WWOX: variants seen among roughly 807,000 people sequenced by gnomAD.
WWOX encodes the protein WW domain-containing oxidoreductase.
In WWOX, 69 loss-of-function variants were observed where a neutral mutation model predicts 46.2. That is an observed-to-expected ratio of 1.49 (90% CI 1.23 to 1.82). The LOEUF (loss-of-function observed/expected upper bound fraction) is 1.82. WWOX is among the 40% of genes most tolerant of loss of function. The pLI, the probability that WWOX is intolerant of heterozygous loss-of-function variation, is 0.00. For missense variants in WWOX, 919 were observed against 542.6 expected (o/e 1.69, Z -6.89); for synonymous variants, 359 against 202.6 (o/e 1.77, Z -6.56).
chr16:78,712,109 C>A (rs762919611), intron 8 of WWOX, among the ~76,000 whole-genome samples: 8 of 152,120 alleles, frequency 5.3e-5, no homozygotes, highest in Non-Finnish European at 1.0e-4. Context: ...TTTGTGATGT[C>A]TTGAGTGAGA....
chr16:78,402,828 A>G (rs2082444543), intron 6 of WWOX, among the ~76,000 whole-genome samples: 1 of 152,142 alleles, frequency 6.6e-6, no homozygotes, highest in Non-Finnish European at 1.5e-5. Flanking sequence ...GCTGGCTCCC[A>G]TTGGCCCTGG....
At chr16:79,053,994 G>A (rs1285749855) in intron 8 of WWOX, among the ~76,000 whole-genome samples, 4 of 149,762 alleles carry the variant, frequency 2.7e-5, no homozygotes, top group African/African-American at 2.5e-5. Flanking sequence ...AGGAGAGAGG[G>A]AAAAAAAAAA....
intron 6 of WWOX, among the ~76,000 whole-genome samples, chr16:78,399,033 A>G (rs2082353011): frequency 1.3e-5 from 2 of 148,626 alleles, no homozygotes; most frequent in African/African-American, 5.2e-5. Flanking sequence ...GATGGATAGA[A>G]AGATGGAACA....
chr16:78,216,798 C>T (rs1249180670), intron 5 of WWOX, among the ~76,000 whole-genome samples: 1 of 152,058 alleles, frequency 6.6e-6, no homozygotes, highest in East Asian at 1.9e-4. Context: ...GTGGCTTGAT[C>T]TTGGCTCACT....
At chr16:78,942,208 G>A (rs13333234) in intron 8 of WWOX, among the ~76,000 whole-genome samples, 21,745 of 152,116 alleles carry the variant, frequency 0.14, 1,992 homozygotes, top group African/African-American at 0.25. Context: ...TAGTTAAAGA[G>A]TTTGGTATAG....
At chr16:79,044,156 A>C (rs1367162505) in intron 8 of WWOX, among the ~76,000 whole-genome samples, 1 of 152,198 alleles carries the variant, frequency 6.6e-6, no homozygotes, top group East Asian at 1.9e-4. Context: ...CAAACAGCAA[A>C]TGTTCACTGT....
At chr16:78,619,775 G>T (rs1171408862) in intron 8 of WWOX, among the ~76,000 whole-genome samples, 4 of 151,982 alleles carry the variant, frequency 2.6e-5, no homozygotes, top group Non-Finnish European at 5.9e-5. Context: ...GAGACATGGG[G>T]GTGCATGTCT....
chr16:78,393,371 T>C (rs2082216238), intron 6 of WWOX, among the ~76,000 whole-genome samples: 1 of 152,140 alleles, frequency 6.6e-6, no homozygotes, highest in Admixed American at 6.5e-5. Flanking sequence ...CAAAAAATGG[T>C]TTATGGCTGG....
At chr16:78,480,132 T>C (rs1323487876) in intron 8 of WWOX, among the ~76,000 whole-genome samples, 2 of 152,206 alleles carry the variant, frequency 1.3e-5, no homozygotes, top group African/African-American at 4.8e-5. Flanking sequence ...TAGCCACGTG[T>C]GACTATTAAA....
intron 8 of WWOX, among the ~76,000 whole-genome samples, chr16:78,792,904 A>C (rs1041702700): frequency 1.3e-5 from 2 of 152,188 alleles, no homozygotes; most frequent in African/African-American, 4.8e-5. Flanking sequence ...AGTGCTGTAC[A>C]GACAGAAGGA....
At chr16:79,118,325 G>C (rs1326854274) in intron 8 of WWOX, among the ~76,000 whole-genome samples, 2 of 152,208 alleles carry the variant, frequency 1.3e-5, no homozygotes, top group Admixed American at 1.3e-4. Flanking sequence ...AATTAAGTTT[G>C]CCATCTGATA....
chr16:78,555,093 T>G (rs2151548661), intron 8 of WWOX, among the ~76,000 whole-genome samples: 1 of 151,744 alleles, frequency 6.6e-6, no homozygotes, highest in African/African-American at 2.4e-5. Flanking sequence ...GAAGGACGGA[T>G]TTTTTCCTCT....
chr16:78,351,146 G>A (rs577676523), intron 5 of WWOX, among the ~76,000 whole-genome samples: 209 of 152,192 alleles, frequency 1.4e-3, no homozygotes, highest in Non-Finnish European at 1.8e-3. Flanking sequence ...TTTTCTTACA[G>A]TGCAGTGTGT....
At chr16:78,833,806 A>G (rs1287053626) in intron 8 of WWOX, among the ~76,000 whole-genome samples, 1 of 152,246 alleles carries the variant, frequency 6.6e-6, no homozygotes, top group African/African-American at 2.4e-5. Context: ...ACCCAGAGTC[A>G]CACAGCTCAC....
chr16:78,320,980 G>A (rs141425829), intron 5 of WWOX, among the ~76,000 whole-genome samples: 2 of 152,098 alleles, frequency 1.3e-5, no homozygotes, highest in African/African-American at 4.8e-5. Flanking sequence ...AGTCTGCATT[G>A]TTTGTAGCTT....
Position 78,321,326 on chromosome 16 carries a change from ACGTATATATG to A in WWOX, c.517-65524_517-65515del, listed in dbSNP as rs1330100831. Reference sequence around the variant, plus strand: ...TACGTATATATATGCGTATATATATACGTATATATGCGTATATATATACGTATATATGCGT... The same window carrying A: ...TACGTATATATATGCGTATATATATACGTATATATATACGTATATATGCGT... On this transcript the variant is annotated intron_variant, in intron 5 of 8. Transcript: ENST00000566780. 6.8e-4 allele frequency among the ~76,000 whole-genome samples: 55 copies of A among 81,270 alleles called. 4 individuals are homozygous for A. The East Asian group carries it at 0.018, about 27-fold the overall frequency. The allele number at this position is 81,270 out of a possible 152,430, so 53.3% of individuals were successfully genotyped here.
intron 7 of WWOX, among the ~76,000 whole-genome samples, chr16:78,428,033 A>G (rs372699638): frequency 3.9e-4 from 59 of 152,252 alleles, no homozygotes; most frequent in African/African-American, 1.4e-3. Context: ...GCACCAGTGC[A>G]CTCCAGCCTG....
Position 78,252,335 on chromosome 16 carries a change from G to A in WWOX, c.516+88046G>A, listed in dbSNP as rs117598568. 5.5e-3 allele frequency among the ~76,000 whole-genome samples: 832 copies of A among 152,284 alleles called. 14 individuals are homozygous for A. In the East Asian group the frequency reaches 0.066, roughly 12 times the overall value. On this transcript the variant is annotated intron_variant, in intron 5 of 8. Transcript: ENST00000566780. ...ATTGTTTTGTATATATTTGTCAGAT[G>A]GAGGTGTGTGTAAACAAATAACAGA...
rs567105534 is a variant in WWOX at position 78,971,380 on chromosome 16, G to A, written c.1057-240228G>A. ...TGAGGCGGGAGAATCTGTTGAGTCC[G>A]GGAGGCGGAGGTTGCAGTGAGCCAA... On this transcript the variant is annotated intron_variant, in intron 8 of 8. Coordinates refer to ENST00000566780, the MANE Select transcript of WWOX (RefSeq NM_016373.4). Among the ~76,000 whole-genome samples the A allele has an allele frequency of 2.7e-3, 402 of 151,288 alleles. 2 individuals carry two copies. Among genetic ancestry groups the A allele is most frequent in the African/African-American group, 9.1e-3 (373 of 41,148 alleles).
Sources: allele counts gnomAD v4.1 joint callset (sites outside exome capture counted in the v4.1 genomes callset), GRCh38; gene constraint gnomAD v4.1.1; transcripts MANE v1.5; gene names NCBI Gene and HGNC (gene_info 2026-07-23, HGNC 2026-07-21).